COBLL1: variants seen among roughly 807,000 people sequenced by gnomAD.
COBLL1 encodes the protein cordon-bleu protein-like 1.
A neutral mutation model predicts 94.8 loss-of-function variants in COBLL1; 50 were observed. The observed-to-expected ratio is 0.53, with a 90% CI of 0.42 to 0.67. The LOEUF (loss-of-function observed/expected upper bound fraction) is 0.67. COBLL1 is among the 30% of genes least tolerant of loss of function. The pLI is 0.00. For synonymous variants in COBLL1, 448 were observed against 473.8 expected (o/e 0.95, Z 0.71); for missense variants, 1,362 against 1,348.7 (o/e 1.01, Z -0.15).
Position 164,722,068 on chromosome 2 carries a change from T to C in COBLL1, c.996+7A>G. 6.4e-7 allele frequency: 1 copy of C among 1,562,278 alleles called. No homozygotes were observed. The highest frequency in any genetic ancestry group is 8.7e-7 in the Non-Finnish European group (1 of 1,155,256). On this transcript the variant is annotated splice_region_variant and intron_variant, in intron 7 of 13. Transcript: ENST00000652658. ...AAAAAAACAAAATAGAAAACAAAACTACACACCTTATCTGTCTCATCCACG... is the reference window on the plus strand; with the variant it reads ...AAAAAAACAAAATAGAAAACAAAACCACACACCTTATCTGTCTCATCCACG...
intron 5 of COBLL1, among the ~76,000 whole-genome samples, chr2:164,727,533 A>T (rs1483550202): frequency 6.6e-6 from 1 of 152,050 alleles, no homozygotes; most frequent in East Asian, 1.9e-4. Flanking sequence ...AAAATTTGGC[A>T]AGAAACTTCC....
At chr2:164,740,715 C>T (rs1252524081) in intron 3 of COBLL1, among the ~76,000 whole-genome samples, 1 of 152,164 alleles carries the variant, frequency 6.6e-6, no homozygotes, top group East Asian at 1.9e-4. Context: ...GTAAGACCTA[C>T]ACATACATTG....
chr2:164,662,888 G>A (rs1038232875), intron 2 of COBLL1, among the ~76,000 whole-genome samples: 5 of 152,138 alleles, frequency 3.3e-5, no homozygotes, highest in Admixed American at 3.3e-4. Context: ...CTGGCACCAT[G>A]CTTGTACAGC....
chr2:164,830,936 T>C (rs1683048076), intron 2 of COBLL1, among the ~76,000 whole-genome samples: 1 of 152,194 alleles, frequency 6.6e-6, no homozygotes, highest in Non-Finnish European at 1.5e-5. Flanking sequence ...GGAACAAAGT[T>C]CATAGGTAAT....
At chr2:164,772,417 A>G (rs1453400074) in intron 2 of COBLL1, among the ~76,000 whole-genome samples, 1 of 152,012 alleles carries the variant, frequency 6.6e-6, no homozygotes, top group East Asian at 1.9e-4. Flanking sequence ...CAATGATTCT[A>G]TTGACTATTT....
intron 2 of COBLL1, among the ~76,000 whole-genome samples, chr2:164,804,739 GT>G (rs1684001325): frequency 6.6e-6 from 1 of 152,094 alleles, no homozygotes; most frequent in African/African-American, 2.4e-5. Context: ...AATATAATGT[GT>G]AAAACACTTA....
intron 2 of COBLL1, among the ~76,000 whole-genome samples, chr2:164,665,024 TG>T (rs1691132634): frequency 6.6e-6 from 1 of 152,070 alleles, no homozygotes; most frequent in Non-Finnish European, 1.5e-5. Flanking sequence ...CATATCAAGA[TG>T]GCAGATAAAG....
intron 3 of COBLL1, among the ~76,000 whole-genome samples, chr2:164,734,326 G>A (rs1311953323): frequency 1.3e-5 from 2 of 152,016 alleles, no homozygotes; most frequent in African/African-American, 2.4e-5. Context: ...GCTTTGACAA[G>A]TACAAAAACC....
intron 2 of COBLL1, among the ~76,000 whole-genome samples, chr2:164,826,945 T>G (rs12478873): frequency 6.6e-6 from 1 of 152,016 alleles, no homozygotes; most frequent in Non-Finnish European, 1.5e-5. Flanking sequence ...GTGGGTTTTT[T>G]GTTTTTTGTT....
At chr2:164,765,886 T>C (rs1687910280) in intron 2 of COBLL1, among the ~76,000 whole-genome samples, 1 of 151,984 alleles carries the variant, frequency 6.6e-6, no homozygotes, top group Admixed American at 6.6e-5. Context: ...TTCATTCTAA[T>C]ATTTCTTATT....
chr2:164,747,643 T>C (rs1205878220), intron 2 of COBLL1, among the ~76,000 whole-genome samples: 1 of 152,066 alleles, frequency 6.6e-6, no homozygotes, highest in Non-Finnish European at 1.5e-5. Context: ...GCCCAGCTCA[T>C]TTTTGTATTT....
intron 11 of COBLL1, among the ~76,000 whole-genome samples, chr2:164,698,764 TA>T (rs1684082101): frequency 6.6e-6 from 1 of 151,990 alleles, no homozygotes; most frequent in African/African-American, 2.4e-5. Flanking sequence ...AATAATCAAG[TA>T]AAAACATGAA....
At chr2:164,672,705 CAAAAAAAAAAAAA>C (rs1187183800) in intron 1 of COBLL1, among the ~76,000 whole-genome samples, 1 of 64,968 alleles carries the variant, frequency 1.5e-5, no homozygotes, top group Non-Finnish European at 3.3e-5. Flanking sequence ...GACTCCGTCT[CAAAAAAAAAAAAA>C]AAAAAAAAAA....
intron 2 of COBLL1, among the ~76,000 whole-genome samples, chr2:164,665,652 C>T (rs992208779): frequency 5.9e-4 from 90 of 152,232 alleles, no homozygotes; most frequent in African/African-American, 1.9e-3. Flanking sequence ...CTACCATAAG[C>T]TGGATGGTAG....
intron 2 of COBLL1, among the ~76,000 whole-genome samples, chr2:164,834,999 G>A (rs150231637): frequency 4.8e-4 from 73 of 152,054 alleles, no homozygotes; most frequent in African/African-American, 1.7e-3. Context: ...TAACATAAAC[G>A]TTGGTGAAGA....
At chr2:164,731,894 G>A (rs1354038856) in intron 3 of COBLL1, among the ~76,000 whole-genome samples, 3 of 152,162 alleles carry the variant, frequency 2.0e-5, no homozygotes, top group Non-Finnish European at 2.9e-5. Context: ...AGCCTCTGAT[G>A]CAGTTCTTCC....
chr2:164,732,438 T>C (rs574119218), intron 3 of COBLL1, among the ~76,000 whole-genome samples: 36 of 152,274 alleles, frequency 2.4e-4, no homozygotes, highest in African/African-American at 6.7e-4. Context: ...ACAAGAGCAA[T>C]TGGATGGCAC....
intron 12 of COBLL1, among the ~76,000 whole-genome samples, chr2:164,693,237 G>A (rs985408607): frequency 1.3e-5 from 2 of 151,986 alleles, no homozygotes; most frequent in East Asian, 3.8e-4. Context: ...TTGTGCCCAA[G>A]TAAAGAATTA....
chr2:164,789,429 GC>G (rs1012338946), intron 2 of COBLL1, among the ~76,000 whole-genome samples: 27 of 152,148 alleles, frequency 1.8e-4, no homozygotes, highest in African/African-American at 6.5e-4. Flanking sequence ...AGAATATGAA[GC>G]AAAAATGGGG....
Sources: gnomAD v4.1 joint callset for allele counts (sites outside exome capture counted in the v4.1 genomes callset) on GRCh38, gnomAD v4.1.1 for gene constraint, MANE v1.5 for transcripts, NCBI Gene and HGNC (gene_info 2026-07-23, HGNC 2026-07-21) for gene names.